The following HLCS variants were observed in gnomAD, a reference collection of about 807,000 sequenced individuals.
The protein encoded by HLCS is holocarboxylase synthetase, also known as biotin--protein ligase.
HLCS carries 53 observed loss-of-function variants against 75.0 expected under a neutral mutation model. The ratio of observed to expected loss-of-function variants is 0.71; its 90% CI spans 0.57 to 0.89. The LOEUF (loss-of-function observed/expected upper bound fraction) is 0.89, where lower values mean the gene tolerates loss of function less well. HLCS is among the 40% of genes least tolerant of loss of function. The probability of loss-of-function intolerance (pLI) is 0.00; values close to 1 mark genes in which losing one functional copy is unlikely to be tolerated. For synonymous variants in HLCS, 431 were observed against 428.6 expected (o/e 1.01, Z -0.07); for missense variants, 966 against 1,074.0 (o/e 0.90, Z 1.41).
intron 4 of HLCS, among the ~76,000 whole-genome samples, chr21:36,931,011 C>T (rs2066612724): frequency 1.3e-5 from 2 of 152,126 alleles, no homozygotes; most frequent in African/African-American, 4.8e-5. Flanking sequence ...GGGCCGGGAG[C>T]GGTGGCTCAC....
intron 6 of HLCS, among the ~76,000 whole-genome samples, chr21:36,854,007 T>C (rs2063102339): frequency 6.6e-6 from 1 of 152,198 alleles, no homozygotes; most frequent in Non-Finnish European, 1.5e-5. Flanking sequence ...AATGGAAATA[T>C]GAGTTCAAAA....
At chr21:36,808,362 A>G (rs944133691) in intron 6 of HLCS, among the ~76,000 whole-genome samples, 1 of 152,140 alleles carries the variant, frequency 6.6e-6, no homozygotes, top group Admixed American at 6.5e-5. Context: ...AAAAAATCAA[A>G]TTTTTTTCCT....
At chr21:36,902,744 T>C (rs570258232) in intron 5 of HLCS, among the ~76,000 whole-genome samples, 2 of 152,290 alleles carry the variant, frequency 1.3e-5, no homozygotes, top group East Asian at 3.9e-4. Flanking sequence ...GGGGAGAATC[T>C]TCTGAGCAGC....
Position 36,919,529 on chromosome 21 carries a change from A to G in HLCS, c.1620+10722T>C, listed in dbSNP as rs569491439. On this transcript the variant is annotated intron_variant, in intron 5 of 10. Transcript: ENST00000674895. ...AAGCCAGAATGTGACACAGAAACAG[A>G]TAAGACGGTTTCCCATGGTTTAATT... Among the ~76,000 whole-genome samples the G allele has an allele frequency of 7.8e-4, 119 of 152,354 alleles. 3 individuals are homozygous for G. The highest frequency in any genetic ancestry group is 3.2e-4 in the Non-Finnish European group (22 of 68,030).
Position 36,749,445 on chromosome 21 carries a change from TG to T in HLCS, c.*4800del, listed in dbSNP as rs2089298950. The T allele has an allele frequency of 1.2e-5, 1 of 80,440 alleles. No homozygotes were observed. Among genetic ancestry groups the T allele is most frequent in the African/African-American group, 6.4e-5 (1 of 15,554 alleles). 5.0% of individuals were successfully genotyped at this position (80,440 alleles called of 1,614,324 possible). A position where few individuals can be genotyped will look rare whatever the true frequency, so the allele number is the denominator to read the frequency against. ...CACCAACTGCTCTCAAAATGTGAAC[TG>T]ACTTTTTTTTTTTTTTTTTTGCCAA... is the stretch of plus-strand genomic sequence containing the variant. On this transcript the variant is annotated 3_prime_UTR_variant, in exon 11 of 11. Transcript: ENST00000674895.
chr21:36,749,876 AG>A lies in HLCS; in HGVS notation c.*4369del, dbSNP rs2089315026. The A allele has an allele frequency of 6.6e-6, 1 of 152,238 alleles. No individual in the cohort carries two copies. Among genetic ancestry groups the A allele is most frequent in the Admixed American group, 6.5e-5 (1 of 15,280 alleles). The allele number at this position is 152,238 out of a possible 1,614,324, so 9.4% of individuals were successfully genotyped here. On this transcript the variant is annotated 3_prime_UTR_variant, in exon 11 of 11. Coordinates refer to ENST00000674895, the MANE Select transcript of HLCS (RefSeq NM_001352514.2). ...GGCTATCGGAGCAGTTCAATAACAA[AG>A]GTTACTGTTGAGAAAAAAGACCCTA... is the stretch of plus-strand genomic sequence containing the variant.
intron 5 of HLCS, among the ~76,000 whole-genome samples, chr21:36,918,826 C>T (rs1441316913): frequency 6.6e-6 from 1 of 152,184 alleles, no homozygotes; most frequent in Non-Finnish European, 1.5e-5. Flanking sequence ...CTAAAAGTTA[C>T]AGGGGTTAAC....
intron 5 of HLCS, among the ~76,000 whole-genome samples, chr21:36,925,113 T>G (rs896089637): frequency 6.6e-6 from 1 of 152,166 alleles, no homozygotes; most frequent in African/African-American, 2.4e-5. Context: ...AGTAAAAATT[T>G]GGGGTTAAAT....
intron 5 of HLCS, among the ~76,000 whole-genome samples, chr21:36,911,203 T>C (rs2065691018): frequency 6.6e-6 from 1 of 152,156 alleles, no homozygotes; most frequent in Admixed American, 6.5e-5. Flanking sequence ...GAGAACGCGC[T>C]CCAGCTGGCC....
intron 6 of HLCS, among the ~76,000 whole-genome samples, chr21:36,805,243 G>GA (rs575594721): frequency 6.6e-6 from 1 of 151,536 alleles, no homozygotes; most frequent in Non-Finnish European, 1.5e-5. Flanking sequence ...AAATTTTAAA[G>GA]AAAAAAAAAT....
At chr21:36,845,267 T>C (rs2062758128) in intron 6 of HLCS, among the ~76,000 whole-genome samples, 1 of 152,154 alleles carries the variant, frequency 6.6e-6, no homozygotes, top group African/African-American at 2.4e-5. Context: ...GGGTTCCATA[T>C]TACCAGGGAG....
chr21:36,897,122 C>A lies in HLCS; in HGVS notation c.1630G>T (p.Asp544Tyr), dbSNP rs940064411. ...TTCCCAAGCCACTGCATAAGAGGATCCCTGATTTCCTGTGTCATAAAGAAA... is the reference window on the plus strand; with the variant it reads ...TTCCCAAGCCACTGCATAAGAGGATACCTGATTTCCTGTGTCATAAAGAAA... ...YLLSAAEEIRDPLMQWLGKHV... is the reference protein window; with the variant it reads ...YLLSAAEEIRYPLMQWLGKHV... The change falls in exon 6 of 11, where the codon GAT becomes TAT. Residue 544 changes from aspartate to tyrosine, a missense_variant. Coordinates refer to ENST00000674895, the MANE Select transcript of HLCS (RefSeq NM_001352514.2). The A allele has an allele frequency of 1.2e-6, 2 of 1,614,060 alleles. No individual in the cohort carries two copies. Among genetic ancestry groups the A allele is most frequent in the Non-Finnish European group, 1.7e-6 (2 of 1,180,014 alleles).
chr21:36,829,972 C>T (rs2062143322), intron 6 of HLCS, among the ~76,000 whole-genome samples: 1 of 152,226 alleles, frequency 6.6e-6, no homozygotes, highest in South Asian at 2.1e-4. Context: ...TCCTCAACCT[C>T]AGCACCTCAA....
At chr21:36,881,277 G>C (rs1295223454) in intron 6 of HLCS, among the ~76,000 whole-genome samples, 1 of 152,086 alleles carries the variant, frequency 6.6e-6, no homozygotes, top group Non-Finnish European at 1.5e-5. Flanking sequence ...GCCCGGCAGA[G>C]ATTTTTCTTC....
intron 6 of HLCS, among the ~76,000 whole-genome samples, chr21:36,874,429 T>A (rs2063888797): frequency 6.6e-6 from 1 of 151,612 alleles, no homozygotes; most frequent in Non-Finnish European, 1.5e-5. Flanking sequence ...TAAAATAAAA[T>A]AAAATAAATA....
intron 6 of HLCS, among the ~76,000 whole-genome samples, chr21:36,829,814 C>T (rs1205985724): frequency 1.3e-5 from 2 of 152,182 alleles, no homozygotes; most frequent in Non-Finnish European, 2.9e-5. Flanking sequence ...CGGCCCTCTC[C>T]CGCAGAGGGA....
chr21:36,985,384 G>A (rs1366416118), intron 1 of HLCS, among the ~76,000 whole-genome samples: 1 of 152,212 alleles, frequency 6.6e-6, no homozygotes, highest in East Asian at 1.9e-4. Context: ...TGTAATCCCA[G>A]CACTTTGGGA....
At chr21:36,918,964 G>A (rs2066046096) in intron 5 of HLCS, among the ~76,000 whole-genome samples, 1 of 152,214 alleles carries the variant, frequency 6.6e-6, no homozygotes, top group South Asian at 2.1e-4. Flanking sequence ...GAAACTGGAA[G>A]GCTGACTGGA....
intron 5 of HLCS, among the ~76,000 whole-genome samples, chr21:36,898,446 CAAAAA>C (rs58625493): frequency 4.0e-5 from 2 of 49,538 alleles, no homozygotes; most frequent in African/African-American, 8.7e-5. Flanking sequence ...AACTCCATCT[CAAAAA>C]AAAAAAAAAA....
Sources: allele counts gnomAD v4.1 joint callset (sites outside exome capture counted in the v4.1 genomes callset), GRCh38; gene constraint gnomAD v4.1.1; transcripts MANE v1.5; gene names NCBI Gene and HGNC (gene_info 2026-07-23, HGNC 2026-07-21).